Variants in CDH8 observed in about 807,000 individuals in gnomAD.
CDH8 encodes the protein cadherin 8, also known as cadherin-8.
In CDH8, 17 loss-of-function variants were observed where a neutral mutation model predicts 68.1. The observed-to-expected ratio is 0.25, with a 90% confidence interval of 0.17 to 0.37. CDH8 has a LOEUF of 0.37. CDH8 is among the 10% of genes least tolerant of loss of function. The pLI is 1.00. For missense variants in CDH8, 763 were observed against 999.3 expected (o/e 0.76, Z 3.19); for synonymous variants, 372 against 365.1 (o/e 1.02, Z -0.21).
chr16:61,884,781 T>G (rs1963642502), intron 3 of CDH8, among the ~76,000 whole-genome samples: 1 of 152,184 alleles, frequency 6.6e-6, no homozygotes, highest in Non-Finnish European at 1.5e-5. Context: ...TAACTGCTTA[T>G]GTTATTGATA....
At chr16:61,892,329 T>A (rs1196554882) in intron 3 of CDH8, among the ~76,000 whole-genome samples, 1 of 152,136 alleles carries the variant, frequency 6.6e-6, no homozygotes, top group African/African-American at 2.4e-5. Context: ...GCCTGCAGGA[T>A]CCTTTTGAAA....
At chr16:61,883,575 CTT>C (rs1963617177) in intron 3 of CDH8, among the ~76,000 whole-genome samples, 1 of 151,332 alleles carries the variant, frequency 6.6e-6, no homozygotes, top group Non-Finnish European at 1.5e-5. Flanking sequence ...GATAAAGTTT[CTT>C]TTTTAAATCA....
rs66743095 is a variant in CDH8, at chr16:61,953,895, TTATATATATATATATATA to T, written c.253-52440_253-52423del. ...CTGTCTCAAAAAGAAAAAAAAAACT[TTATATATATATATATATA>T]TATATATATATATAAAATACCTTAA... is the stretch of plus-strand genomic sequence containing the variant. On this transcript the variant is annotated intron_variant, in intron 2 of 11. Transcript: ENST00000577390. Among the ~76,000 whole-genome samples, 932 of 118,868 alleles carry T rather than the reference TTATATATATATATATATA, an allele frequency of 7.8e-3. 40 individuals are homozygous for T. The highest frequency in any genetic ancestry group is 0.034 in the African/African-American group (897 of 26,598). The allele number at this position is 118,868 out of a possible 152,430, so 78.0% of individuals were successfully genotyped here.
intron 4 of CDH8, 28 bp downstream of exon 4, chr16:61,857,091 A>C: frequency 6.2e-7 from 1 of 1,612,352 alleles, no homozygotes; most frequent in Non-Finnish European, 8.5e-7. Flanking sequence ...AAACATGGCA[A>C]ATATAATTCG....
chr16:61,979,926 C>A lies in CDH8; in HGVS notation c.252+41226G>T, dbSNP rs570288363. 6.6e-5 allele frequency among the ~76,000 whole-genome samples: 10 copies of A among 152,276 alleles called. No individual in the cohort carries two copies. In the South Asian group the frequency reaches 1.9e-3, roughly 28 times the overall value. On this transcript the variant is annotated intron_variant, in intron 2 of 11. Coordinates refer to ENST00000577390, the MANE Select transcript of CDH8 (RefSeq NM_001796.5). ...TTGTTGAAACTCTAGCATGGAGAAGCGTGCTTTCATCTTTTCTTAAGTACT... is the reference window on the plus strand; with the variant it reads ...TTGTTGAAACTCTAGCATGGAGAAGAGTGCTTTCATCTTTTCTTAAGTACT...
intron 9 of CDH8, among the ~76,000 whole-genome samples, chr16:61,715,048 G>T (rs971888694): frequency 5.9e-5 from 9 of 151,616 alleles, no homozygotes; most frequent in Middle Eastern, 3.4e-3. Flanking sequence ...GCTTTGCATT[G>T]TATCAAGCAC....
chr16:61,772,646 C>T (rs941479339), intron 8 of CDH8, among the ~76,000 whole-genome samples: 1 of 152,018 alleles, frequency 6.6e-6, no homozygotes, highest in South Asian at 2.1e-4. Flanking sequence ...TTAGTTTTAA[C>T]CAGATGCCAA....
chr16:61,829,826 C>G (rs1962418196), intron 4 of CDH8, among the ~76,000 whole-genome samples: 1 of 151,810 alleles, frequency 6.6e-6, no homozygotes. Context: ...AGTCTCAACC[C>G]CATGACTAGC....
intron 10 of CDH8, among the ~76,000 whole-genome samples, chr16:61,682,262 G>A (rs970451083): frequency 2.0e-5 from 3 of 151,834 alleles, no homozygotes; most frequent in African/African-American, 4.8e-5. Flanking sequence ...CAGATGCAAT[G>A]GGAGTTCATG....
At chr16:61,919,335 GAGA>G (rs1964317478) in intron 2 of CDH8, among the ~76,000 whole-genome samples, 1 of 148,316 alleles carries the variant, frequency 6.7e-6, no homozygotes, top group African/African-American at 2.5e-5. Context: ...GACAAGCTGA[GAGA>G]AGAAGGCTTC....
chr16:61,803,592 C>T (rs1961714878), intron 7 of CDH8, among the ~76,000 whole-genome samples: 1 of 151,970 alleles, frequency 6.6e-6, no homozygotes, highest in African/African-American at 2.4e-5. Flanking sequence ...CAGAGACACA[C>T]ATAGGTTCAA....
intron 5 of CDH8, among the ~76,000 whole-genome samples, chr16:61,822,667 A>G (rs1037578014): frequency 2.6e-5 from 4 of 151,928 alleles, no homozygotes; most frequent in African/African-American, 9.7e-5. Flanking sequence ...CAAGGTAGGC[A>G]CTGAAAATCC....
Position 62,008,768 on chromosome 16 carries a change from A to G in CDH8, c.252+12384T>C, listed in dbSNP as rs1310848214. Reference sequence around the variant, plus strand: ...TTTAATGACAGGAAAAACAGAAGAGAGTACTTGAAAAACAGTGGCCTTGAT... The same window carrying G: ...TTTAATGACAGGAAAAACAGAAGAGGGTACTTGAAAAACAGTGGCCTTGAT... On this transcript the variant is annotated intron_variant, in intron 2 of 11. Transcript: ENST00000577390. 2.6e-5 allele frequency among the ~76,000 whole-genome samples: 4 copies of G among 152,122 alleles called. No individual in the cohort carries two copies. The East Asian group carries it at 7.7e-4, about 29-fold the overall frequency.
intron 2 of CDH8, among the ~76,000 whole-genome samples, chr16:61,914,742 T>TA (rs536225911): frequency 0.065 from 8,410 of 129,296 alleles, 287 homozygotes; most frequent in South Asian, 0.087. Flanking sequence ...TAAAAAGAGT[T>TA]AAAAAAAAAA....
intron 10 of CDH8, among the ~76,000 whole-genome samples, chr16:61,695,341 T>C (rs1435823311): frequency 6.6e-6 from 1 of 152,192 alleles, no homozygotes; most frequent in Non-Finnish European, 1.5e-5. Flanking sequence ...TGTAGCTGAA[T>C]ATTTACTTAA....
At chr16:61,954,992 T>C (rs1251785495) in intron 2 of CDH8, among the ~76,000 whole-genome samples, 1 of 152,186 alleles carries the variant, frequency 6.6e-6, no homozygotes, top group African/African-American at 2.4e-5. Flanking sequence ...AAAGTGGGTA[T>C]TGGATCCACT....
intron 2 of CDH8, among the ~76,000 whole-genome samples, chr16:61,919,538 T>A (rs1964321634): frequency 6.7e-6 from 1 of 149,082 alleles, no homozygotes. Context: ...CAGGAGCCGA[T>A]GAGATCAACT....
chr16:61,980,490 T>C (rs1424165681), intron 2 of CDH8, among the ~76,000 whole-genome samples: 1 of 152,212 alleles, frequency 6.6e-6, no homozygotes, highest in Non-Finnish European at 1.5e-5. Flanking sequence ...CATCTCTCTT[T>C]AGTTGTTTGC....
chr16:62,011,019 A>G (rs1296121991), intron 2 of CDH8, among the ~76,000 whole-genome samples: 1 of 150,288 alleles, frequency 6.7e-6, no homozygotes, highest in Non-Finnish European at 1.5e-5. Flanking sequence ...CCTAGTCTCA[A>G]CCACATATTC....
Sources: allele counts gnomAD v4.1 joint callset (sites outside exome capture counted in the v4.1 genomes callset), GRCh38; gene constraint gnomAD v4.1.1; transcripts MANE v1.5; gene names NCBI Gene and HGNC (gene_info 2026-07-23, HGNC 2026-07-21).